Variants in ADHFE1 observed in about 807,000 individuals in gnomAD.
ADHFE1 encodes alcohol dehydrogenase iron containing 1.
Under a neutral mutation model 54.8 loss-of-function variants are expected in ADHFE1, and 37 were observed. The ratio of observed to expected loss-of-function variants is 0.68; its 90% confidence interval spans 0.52 to 0.89. ADHFE1 has a LOEUF of 0.89. Among genes scored for constraint, ADHFE1 ranks in the 40% least tolerant of loss-of-function variants. The pLI is 0.00. For missense variants in ADHFE1, 601 were observed against 591.2 expected (o/e 1.02, Z -0.17); for synonymous variants, 203 against 229.3 (o/e 0.89, Z 1.04).
chr8:66,460,148 A>T, intron 12 of ADHFE1, 160 bp from the exon 13 acceptor site: 1 of 849,464 alleles, frequency 1.2e-6, no homozygotes, highest in Non-Finnish European at 1.8e-6. Context: ...GAGCTCCCCC[A>T]GCCAACTTGG....
chr8:66,445,217 G>C lies in ADHFE1; in HGVS notation c.354-1G>C. 6.3e-7 allele frequency: 1 copy of C among 1,593,488 alleles called. No individual in the cohort carries two copies. Among genetic ancestry groups the C allele is most frequent in the Non-Finnish European group, 8.5e-7 (1 of 1,173,368 alleles). On this transcript the variant is annotated splice_acceptor_variant, in intron 5 of 13. Transcript: ENST00000396623. LOFTEE classifies it high-confidence loss of function. ...CTGGTTTTTATTTTCTCTTCTCCAA[G>C]CTTCATGGAAGCTATTGAGTTTGCC...
intron 8 of ADHFE1, among the ~76,000 whole-genome samples, chr8:66,449,480 C>G (rs1450408731): frequency 6.6e-6 from 1 of 152,220 alleles, no homozygotes; most frequent in Non-Finnish European, 1.5e-5. Context: ...TCACATACAT[C>G]ACTTCACTGC....
chr8:66,465,136 G>A (rs1200378524), intron 13 of ADHFE1, among the ~76,000 whole-genome samples: 1 of 152,158 alleles, frequency 6.6e-6, no homozygotes, highest in South Asian at 2.1e-4. Flanking sequence ...CACTTGGGTT[G>A]TTTCCACCTT....
intron 12 of ADHFE1, among the ~76,000 whole-genome samples, chr8:66,457,559 G>A (rs1383031253): frequency 2.6e-5 from 4 of 151,532 alleles, no homozygotes; most frequent in Non-Finnish European, 5.9e-5. Flanking sequence ...TGTCAGGCTG[G>A]GCACAGTGTA....
At chr8:66,467,423 G>A (rs1391906702) in intron 13 of ADHFE1, among the ~76,000 whole-genome samples, 1 of 152,118 alleles carries the variant, frequency 6.6e-6, no homozygotes, top group Non-Finnish European at 1.5e-5. Flanking sequence ...TAATTCAGCA[G>A]ATAACTGTTG....
intron 8 of ADHFE1, among the ~76,000 whole-genome samples, chr8:66,449,246 G>A (rs1677154468): frequency 6.6e-6 from 1 of 151,982 alleles, no homozygotes; most frequent in African/African-American, 2.4e-5. Flanking sequence ...GTTGGAGCTG[G>A]TGTGCAGCAT....
intron 1 of ADHFE1, among the ~76,000 whole-genome samples, chr8:66,436,406 G>A (rs890351329): frequency 6.8e-6 from 1 of 147,170 alleles, no homozygotes; most frequent in African/African-American, 2.5e-5. Context: ...GGTATGCAGA[G>A]GTGAAGCATA....
chr8:66,468,254 C>A lies in ADHFE1; in HGVS notation c.1321-15C>A. On this transcript the variant is annotated splice_polypyrimidine_tract_variant and intron_variant, in intron 13 of 13. Coordinates refer to ENST00000396623, the MANE Select transcript of ADHFE1 (RefSeq NM_144650.3). ...TTTCAAAGCCCTGGGTAACTTCTTT[C>A]ATTTACTGTTTCAGGAAAGGGTCAC... is the stretch of plus-strand genomic sequence containing the variant. The A allele has an allele frequency of 6.2e-7, 1 of 1,603,414 alleles. No homozygotes were observed. Among genetic ancestry groups the A allele is most frequent in the South Asian group, 1.1e-5 (1 of 89,486 alleles).
chr8:66,448,828 A>G (rs1225118939), intron 7 of ADHFE1, 37 bp from the exon 8 acceptor site: 2 of 1,554,398 alleles, frequency 1.3e-6, no homozygotes, highest in Non-Finnish European at 1.8e-6. Context: ...AATGATGCCC[A>G]TGGCTTTAGC....
intron 10 of ADHFE1, among the ~76,000 whole-genome samples, chr8:66,454,826 G>C (rs1029269943): frequency 6.6e-6 from 1 of 151,616 alleles, no homozygotes; most frequent in East Asian, 1.9e-4. Context: ...CAATTCTCCT[G>C]CCTCAGCCTC....
intron 6 of ADHFE1, among the ~76,000 whole-genome samples, 198 bp from the exon 7 acceptor site, chr8:66,447,066 G>A (rs1806071640): frequency 6.6e-6 from 1 of 152,080 alleles, no homozygotes; most frequent in Non-Finnish European, 1.5e-5. Context: ...CTCCATGTTA[G>A]ATTACATACA....
At chr8:66,437,506 A>G (rs930589609) in intron 1 of ADHFE1, among the ~76,000 whole-genome samples, 6 of 152,108 alleles carry the variant, frequency 3.9e-5, no homozygotes, top group Non-Finnish European at 5.9e-5. Context: ...CAGTGCCTTC[A>G]GGCCATCCTA....
chr8:66,465,559 G>A (rs1807126945), intron 13 of ADHFE1, among the ~76,000 whole-genome samples: 1 of 151,988 alleles, frequency 6.6e-6, no homozygotes, highest in Non-Finnish European at 1.5e-5. Context: ...GCCCATTTTT[G>A]AATTGAGCTG....
Position 66,445,241 on chromosome 8 carries a change from C to A in ADHFE1, c.377C>A (p.Ala126Asp). 6.2e-7 allele frequency: 1 copy of A among 1,609,788 alleles called. No homozygotes were observed. The change falls in exon 6 of 14, where the codon GCC becomes GAC. Residue 126 changes from alanine to aspartate, a missense_variant. By Grantham distance (126) the Ala-to-Asp change is moderately radical (BLOSUM62 -2). Coordinates refer to ENST00000396623, the MANE Select transcript of ADHFE1 (RefSeq NM_144650.3). The part of the protein sequence containing the change: ...DSSFMEAIEF[A>D]QKGAFDAYVA... ...AGCTTCATGGAAGCTATTGAGTTTG[C>A]CCAAAAGGGAGCTTTTGATGCCTAT...
intron 8 of ADHFE1, 39 bp from the exon 9 acceptor site, chr8:66,451,914 G>T: frequency 6.2e-7 from 1 of 1,603,218 alleles, no homozygotes. Context: ...GGAGGAAGAT[G>T]ACGCTTTCCA....
chr8:66,432,707 G>A, intron 1 of ADHFE1, 132 bp downstream of exon 1: 1 of 1,233,414 alleles, frequency 8.1e-7, no homozygotes, highest in East Asian at 3.2e-5. Context: ...ATACCGCCCT[G>A]GGCTCCCACC....
chr8:66,434,213 T>C (rs1313885529), intron 1 of ADHFE1, among the ~76,000 whole-genome samples: 1 of 152,198 alleles, frequency 6.6e-6, no homozygotes, highest in Non-Finnish European at 1.5e-5. Context: ...AACAGTGGGC[T>C]CATTTACCAA....
Position 66,452,048 on chromosome 8 carries a change from C to A in ADHFE1, c.830C>A (p.Pro277Gln). The change falls in exon 9 of 14, where the codon CCA (proline) becomes CAA (glutamine). Residue 277 changes from proline to glutamine, a missense_variant. Physicochemically the swap from Pro to Gln is moderately conservative, Grantham distance 76. Transcript: ENST00000396623. ...CGGCCTGCGTACCAGGGCAGCAACC[C>A]AATCAGTGACATTTGGGCTATCCAC... Reference protein sequence around the residue: ...ITRPAYQGSNPISDIWAIHAL... With the variant: ...ITRPAYQGSNQISDIWAIHAL... 6.2e-7 allele frequency: 1 copy of A among 1,614,210 alleles called. No individual in the cohort carries two copies. The highest frequency in any genetic ancestry group is 8.5e-7 in the Non-Finnish European group (1 of 1,180,048).
At chr8:66,446,796 GAGGTCACAC>G (rs768074615) in intron 6 of ADHFE1, among the ~76,000 whole-genome samples, 6 of 152,152 alleles carry the variant, frequency 3.9e-5, no homozygotes, top group Non-Finnish European at 8.8e-5. Context: ...AACACATACA[GAGGTCACAC>G]ATACATATTA....
Sources: allele counts gnomAD v4.1 joint callset (sites outside exome capture counted in the v4.1 genomes callset), GRCh38; gene constraint gnomAD v4.1.1; transcripts MANE v1.5; gene names NCBI Gene and HGNC (gene_info 2026-07-23, HGNC 2026-07-21).